The following LMBR1 variants were observed in gnomAD, a reference collection of about 807,000 sequenced individuals.
LMBR1 encodes limb development membrane protein 1, also known as limb region 1 protein homolog.
Under a neutral mutation model 73.9 loss-of-function variants are expected in LMBR1, and 52 were observed. The observed-to-expected ratio is 0.70, with a 90% CI of 0.56 to 0.89. LMBR1 has a LOEUF of 0.89. Ranked by LOEUF, LMBR1 falls within the 40% of genes least tolerant of loss-of-function variation. The pLI is 0.00. For synonymous variants in LMBR1, 215 were observed against 209.4 expected (o/e 1.03, Z -0.23); for missense variants, 539 against 579.8 (o/e 0.93, Z 0.72).
intron 1 of LMBR1, among the ~76,000 whole-genome samples, chr7:156,840,723 G>C (rs1285984681): frequency 6.6e-6 from 1 of 151,770 alleles, no homozygotes; most frequent in Non-Finnish European, 1.5e-5. Flanking sequence ...ACTTTGGGAG[G>C]CCGAGGCGGG....
rs1804916682 is a variant in LMBR1 at position 156,680,958 on chromosome 7, C to T, written c.*3120G>A. On this transcript the variant is annotated 3_prime_UTR_variant, in exon 17 of 17. Coordinates refer to ENST00000353442, the MANE Select transcript of LMBR1 (RefSeq NM_022458.4). Reference sequence around the variant, plus strand: ...AGTATCTCATAGAAACAAAGACTAACAATTTGTAAACAAAACAATCTGTAA... The same window carrying T: ...AGTATCTCATAGAAACAAAGACTAATAATTTGTAAACAAAACAATCTGTAA... 3.5e-6 allele frequency: 1 copy of T among 283,858 alleles called. No homozygotes were observed. Among genetic ancestry groups the T allele is most frequent in the Non-Finnish European group, 6.7e-6 (1 of 149,034 alleles). 17.6% of individuals were successfully genotyped at this position (283,858 alleles called of 1,614,324 possible). A position where few individuals can be genotyped will look rare whatever the true frequency, so the allele number is the denominator to read the frequency against.
chr7:156,828,339 A>G (rs1280917864), intron 3 of LMBR1, among the ~76,000 whole-genome samples: 1 of 152,230 alleles, frequency 6.6e-6, no homozygotes, highest in Non-Finnish European at 1.5e-5. Flanking sequence ...ATGAATTTCA[A>G]GACAGACCCT....
At chr7:156,684,299 G>A in intron 16 of LMBR1, 136 bp from the exon 17 acceptor site, 1 of 690,768 alleles carries the variant, frequency 1.4e-6, no homozygotes, top group South Asian at 1.8e-5. Context: ...AGATCCCCTT[G>A]AGGAATGAAT....
intron 1 of LMBR1, among the ~76,000 whole-genome samples, chr7:156,869,434 G>C (rs868067392): frequency 3.9e-5 from 6 of 152,042 alleles, no homozygotes; most frequent in African/African-American, 1.4e-4. Flanking sequence ...AACATCCTTT[G>C]GATGTCTAAC....
chr7:156,694,788 A>G (rs1006266711), intron 15 of LMBR1, among the ~76,000 whole-genome samples: 21 of 152,236 alleles, frequency 1.4e-4, no homozygotes, highest in Non-Finnish European at 2.8e-4. Flanking sequence ...GGACTTTCCA[A>G]AAACGAAATT....
chr7:156,891,202 A>G (rs1802853013), intron 1 of LMBR1, among the ~76,000 whole-genome samples: 1 of 100,426 alleles, frequency 1.0e-5, no homozygotes, highest in Admixed American at 1.1e-4. Flanking sequence ...AAAAAAAAAA[A>G]AAAAAAAAAA....
At chr7:156,801,166 G>A (rs1389793916) in intron 4 of LMBR1, among the ~76,000 whole-genome samples, 1 of 152,188 alleles carries the variant, frequency 6.6e-6, no homozygotes, top group Non-Finnish European at 1.5e-5. Context: ...AGCATCACAT[G>A]CTACACAGAA....
chr7:156,733,858 T>C (rs967894013), intron 10 of LMBR1: 2 of 181,788 alleles, frequency 1.1e-5, no homozygotes, highest in Admixed American at 1.2e-4. Context: ...TAAAAGCAGA[T>C]ACAGAAAAAA....
rs770940007 is a variant in LMBR1 at position 156,684,027 on chromosome 7, G to A, written c.*51C>T. On this transcript the variant is annotated 3_prime_UTR_variant, in exon 17 of 17. Transcript: ENST00000353442. ...CTTCTACATGGGACAGGAATGTCGT[G>A]AATCTGGAGTTCTCGGGTCTCTTGG... 3.5e-6 allele frequency: 5 copies of A among 1,421,524 alleles called. No individual in the cohort carries two copies. The South Asian group carries it at 5.7e-5, about 16-fold the overall frequency. 88.1% of individuals were successfully genotyped at this position (1,421,524 alleles called of 1,614,324 possible). A position where few individuals can be genotyped will look rare whatever the true frequency, so the allele number is the denominator to read the frequency against.
At chr7:156,719,536 A>C (rs936827408) in intron 15 of LMBR1, among the ~76,000 whole-genome samples, 36 of 152,138 alleles carry the variant, frequency 2.4e-4, no homozygotes, top group African/African-American at 8.4e-4. Flanking sequence ...GCCCCAGGTA[A>C]TTTATAGATT....
chr7:156,801,592 T>G (rs1272721066), intron 4 of LMBR1, among the ~76,000 whole-genome samples: 2 of 152,182 alleles, frequency 1.3e-5, no homozygotes, highest in Non-Finnish European at 2.9e-5. Flanking sequence ...GAGACAGTGG[T>G]GTGATCATGG....
At chr7:156,871,476 C>T (rs552930901) in intron 1 of LMBR1, among the ~76,000 whole-genome samples, 41 of 152,242 alleles carry the variant, frequency 2.7e-4, no homozygotes, top group Admixed American at 6.5e-4. Flanking sequence ...CAAAGCCAGA[C>T]AAAGAAGCCA....
At chr7:156,764,553 C>T (rs2132950326) in intron 5 of LMBR1, among the ~76,000 whole-genome samples, 1 of 152,250 alleles carries the variant, frequency 6.6e-6, no homozygotes, top group Non-Finnish European at 1.5e-5. Context: ...GAATCTGCAC[C>T]TATAAGTTAA....
chr7:156,693,531 T>C (rs1232349769), intron 15 of LMBR1, among the ~76,000 whole-genome samples: 2 of 152,040 alleles, frequency 1.3e-5, no homozygotes, highest in African/African-American at 4.8e-5. Context: ...GCCAACAAAT[T>C]GGATAACCCA....
chr7:156,788,822 T>G (rs1585798373), intron 5 of LMBR1, among the ~76,000 whole-genome samples: 1 of 152,122 alleles, frequency 6.6e-6, no homozygotes, highest in African/African-American at 2.4e-5. Flanking sequence ...CCAAGGCAGG[T>G]GGATCACCTG....
In LMBR1 at chr7:156,683,550, C is replaced by T. The variant is rs535260885; in HGVS notation, c.*528G>A. 2 of 152,370 alleles carry T rather than the reference C, an allele frequency of 1.3e-5. No individual in the cohort carries two copies. The highest frequency in any genetic ancestry group is 2.9e-5 in the Non-Finnish European group (2 of 68,036). 9.4% of individuals were successfully genotyped at this position (152,370 alleles called of 1,614,324 possible). A position where few individuals can be genotyped will look rare whatever the true frequency, so the allele number is the denominator to read the frequency against. On this transcript the variant is annotated 3_prime_UTR_variant, in exon 17 of 17. Transcript: ENST00000353442. ...TTTTTGCTTTTAAGGAAATAAGAAA[C>T]ATAATTGCAACCATTACAGCTCCAA...
At chr7:156,781,670 GTC>G (rs1297006876) in intron 5 of LMBR1, among the ~76,000 whole-genome samples, 4 of 152,022 alleles carry the variant, frequency 2.6e-5, no homozygotes, top group African/African-American at 9.7e-5. Context: ...AGCTTTACAT[GTC>G]TATTAAATAC....
intron 1 of LMBR1, among the ~76,000 whole-genome samples, chr7:156,883,647 G>A (rs929717938): frequency 2.6e-5 from 4 of 152,110 alleles, no homozygotes; most frequent in East Asian, 3.9e-4. Flanking sequence ...AAATCAAGGC[G>A]TGAGCAAGGT....
intron 1 of LMBR1, among the ~76,000 whole-genome samples, chr7:156,879,638 T>C (rs867865807): frequency 3.2e-4 from 41 of 129,490 alleles, no homozygotes; most frequent in Admixed American, 2.0e-3. Flanking sequence ...CACTCCAGCC[T>C]GGGTGACAGA....
Sources: gnomAD v4.1 joint callset for allele counts (sites outside exome capture counted in the v4.1 genomes callset) on GRCh38, gnomAD v4.1.1 for gene constraint, MANE v1.5 for transcripts, NCBI Gene and HGNC (gene_info 2026-07-23, HGNC 2026-07-21) for gene names.